GPC4: variants seen among roughly 807,000 people sequenced by gnomAD.
GPC4 encodes the protein glypican-4.
In GPC4, 10 loss-of-function variants were observed where a neutral mutation model predicts 35.0. That is an observed-to-expected ratio of 0.29 (90% CI 0.18 to 0.48). GPC4 has a LOEUF of 0.48. Among genes scored for constraint, GPC4 ranks in the 20% least tolerant of loss-of-function variants. The pLI is 0.99. For missense variants in GPC4, 322 were observed against 451.3 expected, an observed-to-expected ratio of 0.71 and a Z score of 2.60; for synonymous variants, 167 against 170.2, an observed-to-expected ratio of 0.98 and a Z score of 0.15.
chrX:133,315,143 T>C, intron 3 of GPC4, among the ~76,000 whole-genome samples: 1 of 107,716 alleles, frequency 9.3e-6, no homozygotes, highest in Non-Finnish European at 1.9e-5. Context: ...AATATTTGCA[T>C]TATAATTATG....
chrX:133,349,223 T>G (rs1293737254), intron 1 of GPC4, among the ~76,000 whole-genome samples: 1 of 112,012 alleles, frequency 8.9e-6, no homozygotes, highest in Non-Finnish European at 1.9e-5. Context: ...CTCCAGTGAC[T>G]GCCCCAGTGG....
intron 3 of GPC4, among the ~76,000 whole-genome samples, chrX:133,319,325 T>C (rs2068353112): frequency 1.9e-5 from 2 of 105,945 alleles, no homozygotes; most frequent in Admixed American, 1.0e-4. Context: ...GTGCCTGTAG[T>C]GCTAGCTATT....
chrX:133,386,076 T>A (rs1244194751), intron 1 of GPC4, among the ~76,000 whole-genome samples: 3 of 107,436 alleles, frequency 2.8e-5, no homozygotes, highest in South Asian at 8.3e-4. Flanking sequence ...AAATAAAATT[T>A]AAAAAAACTC....
chrX:133,401,978 A>G (rs1405131545), intron 1 of GPC4, among the ~76,000 whole-genome samples: 2 of 112,583 alleles, frequency 1.8e-5, no homozygotes, highest in Non-Finnish European at 3.7e-5. Context: ...TTAAAATCTT[A>G]GCACAGGGAA....
At position 133,302,738 on chromosome X, in the gene GPC4, A is replaced by T; in HGVS notation, c.*129T>A. 1 of 593,951 alleles carries T rather than the reference A, an allele frequency of 1.7e-6. No homozygotes were observed. The highest frequency in any genetic ancestry group is 3.5e-5 in the Admixed American group (1 of 28,572). 48.9% of individuals were successfully genotyped at this position (593,951 alleles called of 1,213,427 possible). On this transcript the variant is annotated 3_prime_UTR_variant, in exon 9 of 9. Coordinates refer to ENST00000370828, the MANE Select transcript of GPC4 (RefSeq NM_001448.3). Reference sequence around the variant, plus strand: ...AAACAAAGTCAGCACTTCTTAAACCAGTGGCCACATAGTAAAAACTGTACA... The same window carrying T: ...AAACAAAGTCAGCACTTCTTAAACCTGTGGCCACATAGTAAAAACTGTACA...
chrX:133,338,424 C>T (rs1003682791), intron 2 of GPC4, among the ~76,000 whole-genome samples: 2 of 111,935 alleles, frequency 1.8e-5, no homozygotes, highest in Non-Finnish European at 3.8e-5. Context: ...GGAAAAGAAT[C>T]CTGAGGTGTT....
intron 1 of GPC4, 33 bp from the exon 2 acceptor site, chrX:133,339,374 A>G (rs1419550628): frequency 8.6e-7 from 1 of 1,168,628 alleles, no homozygotes; most frequent in Non-Finnish European, 1.2e-6. Context: ...GTCAATGTCT[A>G]TCATCATTCA....
intron 1 of GPC4, among the ~76,000 whole-genome samples, chrX:133,388,343 T>C (rs1054087795): frequency 2.7e-5 from 3 of 112,199 alleles, no homozygotes; most frequent in Non-Finnish European, 5.6e-5. Flanking sequence ...TGCCTTGGAA[T>C]AGGCTTCTGG....
intron 1 of GPC4, chrX:133,414,365 C>G: frequency 7.6e-6 from 3 of 392,194 alleles, no homozygotes; most frequent in Non-Finnish European, 9.7e-6. Flanking sequence ...CCACTGGCGA[C>G]CCCCACCCCC....
chrX:133,320,528 G>A (rs959178134), intron 3 of GPC4, among the ~76,000 whole-genome samples: 1 of 107,037 alleles, frequency 9.3e-6, no homozygotes, highest in Non-Finnish European at 1.9e-5. Flanking sequence ...GGAGGCTGAG[G>A]CAGGAGAACT....
intron 1 of GPC4, among the ~76,000 whole-genome samples, chrX:133,355,488 A>G (rs1649931885): frequency 8.9e-6 from 1 of 112,128 alleles, no homozygotes; most frequent in Non-Finnish European, 1.9e-5. Context: ...AAATGAGCCT[A>G]TATTAAGAAA....
At chrX:133,414,516 G>A (rs1452751495) in intron 1 of GPC4, 3 of 752,411 alleles carry the variant, frequency 4.0e-6, no homozygotes, top group East Asian at 1.5e-4. Context: ...ATGCAGGGGG[G>A]AGAGGAGGAG....
rs369408959 is a variant in GPC4, at chrX:133,381,502, A to G, written c.160+33304T>C. On this transcript the variant is annotated intron_variant, in intron 1 of 8. Transcript: ENST00000370828. Reference sequence around the variant, plus strand: ...TGGTATGAGCCACCCCTATCTCCACAGTTAGTGCTACAGCTTTCCATCAGA... The same window carrying G: ...TGGTATGAGCCACCCCTATCTCCACGGTTAGTGCTACAGCTTTCCATCAGA... Among the ~76,000 whole-genome samples the G allele has an allele frequency of 2.6e-4, 29 of 111,723 alleles. 2 individuals are homozygous for G. The highest frequency in any genetic ancestry group is 2.0e-3 in the Admixed American group (21 of 10,522).
intron 1 of GPC4, among the ~76,000 whole-genome samples, chrX:133,345,175 C>T (rs2068487204): frequency 9.0e-6 from 1 of 111,563 alleles, no homozygotes; most frequent in African/African-American, 3.3e-5. Context: ...ATCTAGAAGT[C>T]AGGAATATGG....
intron 1 of GPC4, among the ~76,000 whole-genome samples, chrX:133,376,733 G>C (rs959604661): frequency 1.8e-5 from 2 of 112,023 alleles, no homozygotes; most frequent in African/African-American, 6.5e-5. Context: ...CTTGTGAGCT[G>C]GTTCTCTGGA....
At chrX:133,318,759 T>A (rs967330624) in intron 3 of GPC4, among the ~76,000 whole-genome samples, 4 of 112,542 alleles carry the variant, frequency 3.6e-5, no homozygotes, top group Non-Finnish European at 7.5e-5. Context: ...AAATGTATCA[T>A]GAACCATGAC....
chrX:133,393,828 T>C (rs1479023396), intron 1 of GPC4, among the ~76,000 whole-genome samples: 2 of 112,131 alleles, frequency 1.8e-5, no homozygotes, highest in Admixed American at 1.9e-4. Context: ...TTGTGGTACA[T>C]ATAATAGATT....
At chrX:133,328,617 AT>A (rs1039606143) in intron 2 of GPC4, among the ~76,000 whole-genome samples, 1 of 107,876 alleles carries the variant, frequency 9.3e-6, no homozygotes, top group African/African-American at 3.4e-5. Context: ...GTTCATCTCC[AT>A]TTTTTTTTCA....
intron 1 of GPC4, among the ~76,000 whole-genome samples, chrX:133,385,969 G>A (rs751205606): frequency 1.8e-5 from 2 of 109,822 alleles, no homozygotes; most frequent in South Asian, 7.9e-4. Context: ...CTATGTGGGG[G>A]CCTAGGGAGG....
Sources: allele counts gnomAD v4.1 joint callset (sites outside exome capture counted in the v4.1 genomes callset), GRCh38; gene constraint gnomAD v4.1.1; transcripts MANE v1.5; gene names NCBI Gene and HGNC (gene_info 2026-07-23, HGNC 2026-07-21).